Variants in RBFOX1 observed in about 807,000 individuals in gnomAD.
The protein encoded by RBFOX1 is RNA binding protein fox-1 homolog 1.
Under a neutral mutation model 57.7 loss-of-function variants are expected in RBFOX1, and 8 were observed. That is an observed-to-expected ratio of 0.14 (90% CI 0.08 to 0.25). RBFOX1 has a LOEUF of 0.25. Among genes scored for constraint, RBFOX1 ranks in the 10% least tolerant of loss-of-function variants. The pLI is 1.00. For missense variants in RBFOX1, 611 were observed against 548.5 expected (o/e 1.11, Z -1.14); for synonymous variants, 326 against 222.4 (o/e 1.47, Z -4.15).
chr16:6,430,114 G>GA (rs201813646), intron 2 of RBFOX1, among the ~76,000 whole-genome samples: 1,937 of 134,988 alleles, frequency 0.014, 48 homozygotes, highest in East Asian at 0.14. Flanking sequence ...ATCTCAAGAA[G>GA]AAAAAAAAAA....
intron 3 of RBFOX1, among the ~76,000 whole-genome samples, chr16:5,834,772 CAGATG>C (rs2056403980): frequency 7.6e-6 from 1 of 132,088 alleles, no homozygotes; most frequent in African/African-American, 2.9e-5. Context: ...CATACATGCA[CAGATG>C]ATAGATAGAT....
intron 2 of RBFOX1, among the ~76,000 whole-genome samples, chr16:6,419,957 C>T (rs2093729348): frequency 1.3e-5 from 2 of 152,134 alleles, no homozygotes; most frequent in Admixed American, 6.6e-5. Flanking sequence ...CCCCCCATCC[C>T]TTCCCTTCTG....
intron 4 of RBFOX1, among the ~76,000 whole-genome samples, chr16:7,469,269 G>T (rs747950482): frequency 6.6e-6 from 1 of 151,552 alleles, no homozygotes; most frequent in Non-Finnish European, 1.5e-5. Context: ...TCACCATGTC[G>T]GTCAGGCTGG....
chr16:7,170,493 C>A (rs1372452940), intron 4 of RBFOX1, among the ~76,000 whole-genome samples: 1 of 152,002 alleles, frequency 6.6e-6, no homozygotes, highest in African/African-American at 2.4e-5. Flanking sequence ...CCATATTGGT[C>A]TCAAATTCCT....
At chr16:5,960,987 G>GA (rs141106340) in intron 4 of RBFOX1, among the ~76,000 whole-genome samples, 3,448 of 152,220 alleles carry the variant, frequency 0.023, 130 homozygotes, top group African/African-American at 0.079. Flanking sequence ...TGAGATGGGG[G>GA]AAAAAGCTAC....
intron 3 of RBFOX1, among the ~76,000 whole-genome samples, chr16:5,697,753 C>T (rs895508607): frequency 6.6e-6 from 1 of 151,938 alleles, no homozygotes; most frequent in African/African-American, 2.4e-5. Context: ...AGGCTGGTCT[C>T]GAACTCCTGT....
At chr16:6,228,264 G>A (rs555504072) in intron 1 of RBFOX1, among the ~76,000 whole-genome samples, 6 of 152,040 alleles carry the variant, frequency 3.9e-5, no homozygotes, top group East Asian at 1.9e-4. Context: ...CAGAGGTTGC[G>A]GTGAGCTGAG....
chr16:6,030,576 T>C (rs1265144224), intron 1 of RBFOX1, among the ~76,000 whole-genome samples: 2 of 152,188 alleles, frequency 1.3e-5, no homozygotes, highest in Non-Finnish European at 2.9e-5. Context: ...CATATTCAAA[T>C]ATTGAATAAG....
At chr16:6,700,893 C>G (rs1476021558) in intron 3 of RBFOX1, among the ~76,000 whole-genome samples, 1 of 151,932 alleles carries the variant, frequency 6.6e-6, no homozygotes, top group African/African-American at 2.4e-5. Context: ...TCCTCTTTAC[C>G]CAATTTGCTA....
chr16:5,884,508 A>C (rs980638298), intron 4 of RBFOX1, among the ~76,000 whole-genome samples: 1 of 137,786 alleles, frequency 7.3e-6, no homozygotes, highest in African/African-American at 2.8e-5. Context: ...GCTGGACTAC[A>C]TTTCCCAGCC....
chr16:7,478,331 AAGAT>A (rs1599464375), intron 4 of RBFOX1, among the ~76,000 whole-genome samples: 1 of 152,232 alleles, frequency 6.6e-6, no homozygotes, highest in East Asian at 1.9e-4. Flanking sequence ...TAGCAAGAGG[AAGAT>A]AGACTTTACT....
intron 3 of RBFOX1, among the ~76,000 whole-genome samples, chr16:7,012,007 G>T (rs1039156100): frequency 2.6e-5 from 4 of 152,130 alleles, no homozygotes; most frequent in African/African-American, 9.7e-5. Context: ...GATCAATGAG[G>T]TCTAGTCCAG....
intron 3 of RBFOX1, among the ~76,000 whole-genome samples, chr16:6,698,595 C>G (rs1030345168): frequency 6.6e-6 from 1 of 152,186 alleles, no homozygotes; most frequent in African/African-American, 2.4e-5. Flanking sequence ...CAGAGCCCCA[C>G]AGGGTCTAAC....
At chr16:7,417,272 C>T (rs1036247729) in intron 4 of RBFOX1, among the ~76,000 whole-genome samples, 1 of 150,408 alleles carries the variant, frequency 6.6e-6, no homozygotes, top group Non-Finnish European at 1.5e-5. Context: ...ACTTAGGAAA[C>T]TGAGACAGGG....
chr16:5,285,579 C>T (rs1001179960), intron 1 of RBFOX1, among the ~76,000 whole-genome samples: 13 of 152,200 alleles, frequency 8.5e-5, no homozygotes, highest in African/African-American at 3.1e-4. Flanking sequence ...ACCGTCACTT[C>T]TTCCAATTTT....
intron 2 of RBFOX1, among the ~76,000 whole-genome samples, chr16:6,364,480 C>G (rs2089204552): frequency 6.6e-6 from 1 of 152,178 alleles, no homozygotes; most frequent in Non-Finnish European, 1.5e-5. Flanking sequence ...CTTTTTTAAG[C>G]AGACCTCATC....
At chr16:6,426,314 G>A (rs770555018) in intron 2 of RBFOX1, among the ~76,000 whole-genome samples, 3 of 152,064 alleles carry the variant, frequency 2.0e-5, no homozygotes, top group African/African-American at 4.8e-5. Flanking sequence ...AGAGAAGGGA[G>A]AAGGGAGAGA....
intron 1 of RBFOX1, among the ~76,000 whole-genome samples, chr16:5,461,671 G>A (rs1024997697): frequency 6.6e-6 from 1 of 152,170 alleles, no homozygotes; most frequent in Non-Finnish European, 1.5e-5. Context: ...TAGACCTGGT[G>A]GCCACGGTGC....
rs571943493 is a variant in RBFOX1, at chr16:5,419,434, C to A, written c.220-47782C>A. The stretch of plus-strand genomic sequence containing the variant: ...ATTCTTCTGCCAGATTTTTTTCTGG[C>A]AATGCTGGCAGCTGATTAGCTGGTG... On this transcript the variant is annotated intron_variant, in intron 1 of 2. Transcript: ENST00000585867. Among the ~76,000 whole-genome samples the A allele has an allele frequency of 9.9e-5, 15 of 152,046 alleles. No individual in the cohort carries two copies. The East Asian group carries it at 2.0e-3, about 20-fold the overall frequency.
Sources: gnomAD v4.1 joint callset for allele counts (sites outside exome capture counted in the v4.1 genomes callset) on GRCh38, gnomAD v4.1.1 for gene constraint, MANE v1.5 for transcripts, NCBI Gene and HGNC (gene_info 2026-07-23, HGNC 2026-07-21) for gene names.